Variants in ADGRL3 observed in about 807,000 individuals in gnomAD.
ADGRL3 encodes calcium-independent alpha-latrotoxin receptor 3.
In ADGRL3, 62 loss-of-function variants were observed where a neutral mutation model predicts 153.5. That is an observed-to-expected ratio of 0.40 (90% CI 0.33 to 0.50). ADGRL3 has a LOEUF of 0.50. ADGRL3 is among the 20% of genes least tolerant of loss of function. The probability of loss-of-function intolerance (pLI) is 0.47; values close to 1 mark genes in which losing one functional copy is unlikely to be tolerated. For missense variants in ADGRL3, 1,641 were observed against 1,859.4 expected (o/e 0.88, Z 2.16); for synonymous variants, 710 against 672.5 (o/e 1.06, Z -0.86).
chr4:61,402,475 A>G (rs183986015), intron 2 of ADGRL3, among the ~76,000 whole-genome samples: 64 of 152,228 alleles, frequency 4.2e-4, no homozygotes, highest in Non-Finnish European at 5.9e-4. Context: ...ATTCAAGTTG[A>G]GAGCTAGATG....
chr4:61,953,019 C>A (rs1313575661), intron 17 of ADGRL3, among the ~76,000 whole-genome samples: 1 of 152,062 alleles, frequency 6.6e-6, no homozygotes, highest in African/African-American at 2.4e-5. Flanking sequence ...TTACATCAAC[C>A]CTATTTTGAT....
intron 2 of ADGRL3, among the ~76,000 whole-genome samples, chr4:61,424,312 C>T (rs1459962988): frequency 6.6e-6 from 1 of 152,158 alleles, no homozygotes; most frequent in Non-Finnish European, 1.5e-5. Flanking sequence ...TTGGCCTACT[C>T]TTGACTGCCG....
At chr4:61,465,758 A>AATAAATAT (rs71664991) in intron 2 of ADGRL3, among the ~76,000 whole-genome samples, 2 of 130,178 alleles carry the variant, frequency 1.5e-5, no homozygotes, top group African/African-American at 2.7e-5. Flanking sequence ...ATTATATATA[A>AATAAATAT]ATATATATAT....
intron 5 of ADGRL3, among the ~76,000 whole-genome samples, chr4:61,663,396 G>C (rs927876773): frequency 1.3e-5 from 2 of 152,240 alleles, no homozygotes. Context: ...TACTATGCCT[G>C]GTCCAGCCAC....
intron 2 of ADGRL3, among the ~76,000 whole-genome samples, chr4:61,434,215 G>A (rs2097413732): frequency 6.6e-6 from 1 of 152,042 alleles, no homozygotes; most frequent in South Asian, 2.1e-4. Flanking sequence ...TCCTTAAAGA[G>A]TCTCTTCTGT....
intron 1 of ADGRL3, among the ~76,000 whole-genome samples, chr4:61,271,032 A>T (rs1038847726): frequency 2.0e-5 from 3 of 151,746 alleles, no homozygotes; most frequent in Non-Finnish European, 1.5e-5. Flanking sequence ...CTTCCCTTAG[A>T]AAATGGTAAA....
chr4:61,884,603 G>C (rs967691736), intron 9 of ADGRL3, among the ~76,000 whole-genome samples: 49 of 151,898 alleles, frequency 3.2e-4, no homozygotes, highest in African/African-American at 1.2e-3. Context: ...CAGTGAGCAG[G>C]CTGCTTTCTT....
At chr4:61,249,708 G>A (rs183488976) in intron 1 of ADGRL3, among the ~76,000 whole-genome samples, 1 of 152,154 alleles carries the variant, frequency 6.6e-6, no homozygotes, top group African/African-American at 2.4e-5. Context: ...TTAACTGAGT[G>A]TATTGCCCCA....
At chr4:61,999,785 G>C (rs947165241) in intron 21 of ADGRL3, among the ~76,000 whole-genome samples, 1 of 152,096 alleles carries the variant, frequency 6.6e-6, no homozygotes, top group African/African-American at 2.4e-5. Context: ...AGTTAATTTT[G>C]TTGAAGGAAT....
intron 12 of ADGRL3, among the ~76,000 whole-genome samples, chr4:61,911,354 C>A (rs2098720970): frequency 6.6e-6 from 1 of 152,060 alleles, no homozygotes; most frequent in South Asian, 2.1e-4. Context: ...AAATAATGGG[C>A]AAATTTCCAT....
intron 8 of ADGRL3, among the ~76,000 whole-genome samples, chr4:61,748,427 G>A (rs956665325): frequency 8.6e-5 from 13 of 151,064 alleles, no homozygotes; most frequent in Non-Finnish European, 1.6e-4. Context: ...AAAGAACAAA[G>A]CTGGAGGCAT....
chr4:61,353,110 C>CAA (rs2096084136), intron 1 of ADGRL3, among the ~76,000 whole-genome samples: 1 of 152,068 alleles, frequency 6.6e-6, no homozygotes, highest in Non-Finnish European at 1.5e-5. Flanking sequence ...TTTGCTGTTG[C>CAA]TTTTGGCAAA....
At chr4:61,404,684 A>C (rs935356575) in intron 2 of ADGRL3, among the ~76,000 whole-genome samples, 2 of 152,076 alleles carry the variant, frequency 1.3e-5, no homozygotes, top group Admixed American at 6.6e-5. Context: ...TCTTTATGCT[A>C]TATGTAAGTC....
At chr4:61,550,781 G>A (rs2132074) in intron 4 of ADGRL3, among the ~76,000 whole-genome samples, 56,181 of 151,780 alleles carry the variant, frequency 0.37, 10,961 homozygotes, top group East Asian at 0.75. Flanking sequence ...TATTTGTGAA[G>A]TGAATTGATT....
chr4:61,887,870 A>T (rs2149546503), intron 9 of ADGRL3, among the ~76,000 whole-genome samples: 1 of 152,264 alleles, frequency 6.6e-6, no homozygotes, highest in Non-Finnish European at 1.5e-5. Flanking sequence ...AATAAAATAA[A>T]AAATAATTGC....
At chr4:61,949,491 A>C (rs1166884902) in intron 17 of ADGRL3, among the ~76,000 whole-genome samples, 1 of 152,096 alleles carries the variant, frequency 6.6e-6, no homozygotes, top group Non-Finnish European at 1.5e-5. Flanking sequence ...CAGGGTCAGG[A>C]GTTAGAGACC....
At chr4:61,975,236 G>A (rs2099043906) in intron 17 of ADGRL3, among the ~76,000 whole-genome samples, 1 of 152,164 alleles carries the variant, frequency 6.6e-6, no homozygotes, top group Non-Finnish European at 1.5e-5. Flanking sequence ...AAAGGGGTCT[G>A]TATTTTTAGA....
At chr4:61,893,048 T>C (rs2098599944) in intron 10 of ADGRL3, 90 bp downstream of exon 10, 1 of 663,898 alleles carries the variant, frequency 1.5e-6, no homozygotes, top group African/African-American at 1.9e-5. Context: ...CCTCCTTTCC[T>C]CCCTCCCTCC....
intron 2 of ADGRL3, among the ~76,000 whole-genome samples, chr4:61,463,616 T>C: frequency 6.6e-6 from 1 of 152,184 alleles, no homozygotes; most frequent in South Asian, 2.1e-4. Context: ...TTTTCTTTTT[T>C]ACATGCTAAA....
Sources: gnomAD v4.1 joint callset for allele counts (sites outside exome capture counted in the v4.1 genomes callset) on GRCh38, gnomAD v4.1.1 for gene constraint, MANE v1.5 for transcripts, NCBI Gene and HGNC (gene_info 2026-07-23, HGNC 2026-07-21) for gene names.